ZCCHC7: variants seen among roughly 807,000 people sequenced by gnomAD.
The protein encoded by ZCCHC7 is zinc finger CCHC-type containing 7, also known as zinc finger CCHC domain-containing protein 7.
A neutral mutation model predicts 52.0 loss-of-function variants in ZCCHC7; 35 were observed. The ratio of observed to expected loss-of-function variants is 0.67; its 90% CI spans 0.51 to 0.89. The LOEUF is 0.89. Among genes scored for constraint, ZCCHC7 ranks in the 40% least tolerant of loss-of-function variants. The pLI is 0.00. For missense variants in ZCCHC7, 574 were observed against 649.1 expected (o/e 0.88, Z 1.26); for synonymous variants, 217 against 221.5 (o/e 0.98, Z 0.18).
intron 1 of ZCCHC7, among the ~76,000 whole-genome samples, chr9:37,125,488 T>A (rs1842504392): frequency 6.6e-6 from 1 of 152,232 alleles, no homozygotes. Context: ...TGGCCAATGA[T>A]CAGAGGGCCG....
chr9:37,176,302 T>C (rs1822027135), intron 2 of ZCCHC7, among the ~76,000 whole-genome samples: 1 of 152,186 alleles, frequency 6.6e-6, no homozygotes, highest in South Asian at 2.1e-4. Context: ...CTCGATCTCC[T>C]GACCTCGTGA....
At chr9:37,277,858 A>G (rs959378097) in intron 2 of ZCCHC7, among the ~76,000 whole-genome samples, 4 of 152,168 alleles carry the variant, frequency 2.6e-5, no homozygotes, top group Non-Finnish European at 4.4e-5. Context: ...TCTAAAAAGT[A>G]TCATTCACAA....
intron 2 of ZCCHC7, among the ~76,000 whole-genome samples, chr9:37,143,564 G>A (rs955702838): frequency 6.6e-6 from 1 of 151,562 alleles, no homozygotes; most frequent in South Asian, 2.1e-4. Context: ...AACAGAATGA[G>A]AATTGGGAAA....
At chr9:37,121,974 G>C (rs1842335300) in intron 1 of ZCCHC7, among the ~76,000 whole-genome samples, 1 of 152,146 alleles carries the variant, frequency 6.6e-6, no homozygotes. Flanking sequence ...TGTCCTGTCA[G>C]GGCAGCTTAC....
intron 2 of ZCCHC7, among the ~76,000 whole-genome samples, chr9:37,129,565 T>G (rs1472512829): frequency 6.6e-6 from 1 of 152,194 alleles, no homozygotes; most frequent in Non-Finnish European, 1.5e-5. Context: ...ATATAATCTT[T>G]AGAGAGAAGA....
At chr9:37,241,186 C>T (rs376035175) in intron 2 of ZCCHC7, among the ~76,000 whole-genome samples, 2 of 151,630 alleles carry the variant, frequency 1.3e-5, no homozygotes, top group East Asian at 3.9e-4. Context: ...TATGCCAAAC[C>T]TTTAGCTATT....
intron 5 of ZCCHC7, among the ~76,000 whole-genome samples, chr9:37,309,590 C>T (rs186615090): frequency 6.6e-6 from 1 of 152,280 alleles, no homozygotes; most frequent in East Asian, 1.9e-4. Context: ...TCTGCTCATT[C>T]ACAGAGGATT....
intron 2 of ZCCHC7, among the ~76,000 whole-genome samples, chr9:37,213,225 G>T (rs1824333029): frequency 6.6e-6 from 1 of 152,082 alleles, no homozygotes; most frequent in South Asian, 2.1e-4. Flanking sequence ...TGACCAAAAG[G>T]TCCTTCCTCC....
Position 37,354,892 on chromosome 9 carries a change from T to C in ZCCHC7, c.1198+68T>C. On this transcript the variant is annotated intron_variant, in intron 8 of 8. Transcript: ENST00000336755. This position sits in a 1 kb window ranked among gnomAD's most constrained non-coding sequence, Gnocchi z 4.0. ...TCTAAATTTCTTTGTTTGTACTGTC[T>C]TTGCCTGCTTTGGGGGTCATTGGTT... 9.9e-7 allele frequency: 1 copy of C among 1,011,242 alleles called. No individual in the cohort carries two copies. Among genetic ancestry groups the C allele is most frequent in the Non-Finnish European group, 1.5e-6 (1 of 673,860 alleles). 62.6% of individuals were successfully genotyped at this position (1,011,242 alleles called of 1,614,324 possible).
At chr9:37,218,331 C>T (rs893675391) in intron 2 of ZCCHC7, among the ~76,000 whole-genome samples, 1 of 152,168 alleles carries the variant, frequency 6.6e-6, no homozygotes, top group African/African-American at 2.4e-5. Flanking sequence ...TTTGTCTTTC[C>T]ACTTGATTCC....
At chr9:37,198,632 T>C (rs543092455) in intron 2 of ZCCHC7, among the ~76,000 whole-genome samples, 5 of 152,330 alleles carry the variant, frequency 3.3e-5, no homozygotes, top group African/African-American at 1.2e-4. Flanking sequence ...AGAGAAAGAA[T>C]TCAGTTGGCA....
intron 2 of ZCCHC7, among the ~76,000 whole-genome samples, chr9:37,204,381 C>T (rs1015348162): frequency 6.6e-6 from 1 of 152,156 alleles, no homozygotes; most frequent in Non-Finnish European, 1.5e-5. Flanking sequence ...AATCTTTGCC[C>T]ATGCCTATGT....
chr9:37,265,448 C>T (rs1827061339), intron 2 of ZCCHC7, among the ~76,000 whole-genome samples: 1 of 152,140 alleles, frequency 6.6e-6, no homozygotes, highest in Non-Finnish European at 1.5e-5. Context: ...CCAGTTCAAC[C>T]AACTTGTTTC....
At chr9:37,245,559 C>T (rs568019676) in intron 2 of ZCCHC7, among the ~76,000 whole-genome samples, 11 of 151,962 alleles carry the variant, frequency 7.2e-5, no homozygotes, top group East Asian at 3.9e-4. Context: ...GTAACTAGTT[C>T]GTAGCCTAAG....
intron 8 of ZCCHC7, among the ~76,000 whole-genome samples, chr9:37,356,462 G>T (rs539415375): frequency 6.2e-4 from 95 of 152,284 alleles, no homozygotes; most frequent in African/African-American, 1.8e-3. Flanking sequence ...CCATCAAAAG[G>T]CCATTTTATA....
intron 2 of ZCCHC7, among the ~76,000 whole-genome samples, chr9:37,299,906 C>T (rs369577762): frequency 6.6e-6 from 1 of 152,182 alleles, no homozygotes; most frequent in African/African-American, 2.4e-5. Flanking sequence ...TGCCTATAAG[C>T]AGCTTTTTCT....
At chr9:37,277,271 A>C (rs928029248) in intron 2 of ZCCHC7, among the ~76,000 whole-genome samples, 1 of 152,238 alleles carries the variant, frequency 6.6e-6, no homozygotes, top group South Asian at 2.1e-4. Context: ...GATGAAGCTT[A>C]TACTATAAAT....
chr9:37,336,585 C>T (rs1830673680), intron 6 of ZCCHC7, among the ~76,000 whole-genome samples: 1 of 152,146 alleles, frequency 6.6e-6, no homozygotes, highest in South Asian at 2.1e-4. Flanking sequence ...CATGTATTAG[C>T]TAATAAACGT....
At chr9:37,223,151 G>GT in intron 2 of ZCCHC7, among the ~76,000 whole-genome samples, 1 of 147,264 alleles carries the variant, frequency 6.8e-6, no homozygotes, top group Non-Finnish European at 1.5e-5. Flanking sequence ...GCAAGGAACA[G>GT]TTTAAAAAAA....
Sources: allele counts gnomAD v4.1 joint callset (sites outside exome capture counted in the v4.1 genomes callset), GRCh38; gene constraint gnomAD v4.1.1; non-coding constraint Gnocchi (gnomAD v3.1); transcripts MANE v1.5; gene names NCBI Gene and HGNC (gene_info 2026-07-23, HGNC 2026-07-21).